The following PTPRM variants were observed in gnomAD, a reference collection of about 807,000 sequenced individuals.
The protein encoded by PTPRM is receptor-type tyrosine-protein phosphatase mu.
In PTPRM, 47 loss-of-function variants were observed where a neutral mutation model predicts 186.7. That is an observed-to-expected ratio of 0.25 (90% CI 0.20 to 0.32). The LOEUF is 0.32. Among genes scored for constraint, PTPRM ranks in the 10% least tolerant of loss-of-function variants. The pLI is 1.00. For missense variants in PTPRM, 1,494 were observed against 1,865.0 expected, an observed-to-expected ratio of 0.80 and a Z score of 3.66; for synonymous variants, 668 against 674.9, an observed-to-expected ratio of 0.99 and a Z score of 0.16.
At chr18:7,621,460 T>G (rs1300112729) in intron 1 of PTPRM, among the ~76,000 whole-genome samples, 4 of 152,002 alleles carry the variant, frequency 2.6e-5, no homozygotes, top group African/African-American at 7.3e-5. Context: ...GAACCCACAT[T>G]GACATGCCGT....
chr18:7,594,876 A>G (rs920704696), intron 1 of PTPRM, among the ~76,000 whole-genome samples: 2 of 152,222 alleles, frequency 1.3e-5, no homozygotes, highest in South Asian at 4.1e-4. Context: ...TTAGAAACAA[A>G]TCAGCCTACC....
intron 17 of PTPRM, among the ~76,000 whole-genome samples, chr18:8,248,863 G>A (rs147182369): frequency 2.6e-5 from 4 of 152,316 alleles, no homozygotes; most frequent in African/African-American, 7.2e-5. Context: ...GTGTTAGCCC[G>A]GTGGGGCAGA....
At chr18:8,084,924 T>C (rs1381739126) in intron 9 of PTPRM, among the ~76,000 whole-genome samples, 3 of 152,172 alleles carry the variant, frequency 2.0e-5, no homozygotes, top group African/African-American at 7.2e-5. Flanking sequence ...ATCTGTTATG[T>C]AGCTAGTATC....
At chr18:8,105,452 G>A (rs1264471187) in intron 11 of PTPRM, among the ~76,000 whole-genome samples, 2 of 152,298 alleles carry the variant, frequency 1.3e-5, no homozygotes, top group African/African-American at 4.8e-5. Context: ...TTGAAAAGAA[G>A]CTTTAAAAAT....
chr18:7,650,172 G>C lies in PTPRM; in HGVS notation c.73+82281G>C, dbSNP rs114630652. On this transcript the variant is annotated intron_variant, in intron 1 of 32. Coordinates refer to ENST00000580170, the MANE Select transcript of PTPRM (RefSeq NM_001105244.2). ...TTTTTGTATTAATGGGTTCTGCAGGGTGTACTACAGGACTTCGGCATTCGT... is the reference window on the plus strand; with the variant it reads ...TTTTTGTATTAATGGGTTCTGCAGGCTGTACTACAGGACTTCGGCATTCGT... Among the ~76,000 whole-genome samples the C allele has an allele frequency of 4.0e-3, 614 of 152,218 alleles. 5 individuals carry two copies. The highest frequency in any genetic ancestry group is 0.014 in the African/African-American group (581 of 41,536).
At chr18:8,108,610 A>T (rs2145643063) in intron 11 of PTPRM, among the ~76,000 whole-genome samples, 1 of 152,352 alleles carries the variant, frequency 6.6e-6, no homozygotes, top group South Asian at 2.1e-4. Flanking sequence ...AGTCTAAAAA[A>T]GTAGATGAAA....
At chr18:8,396,506 C>A (rs193150034) in intron 32 of PTPRM, among the ~76,000 whole-genome samples, 383 of 152,282 alleles carry the variant, frequency 2.5e-3, no homozygotes, top group African/African-American at 9.0e-3. Context: ...AGTGATGGGG[C>A]TTTTTCCAAA....
chr18:7,985,900 G>GAC lies in PTPRM; in HGVS notation c.1132+30487_1132+30488dup, dbSNP rs200904028. 2.4e-4 allele frequency among the ~76,000 whole-genome samples: 36 copies of GAC among 152,124 alleles called. No individual in the cohort carries two copies. In the East Asian group the frequency reaches 6.6e-3, roughly 28 times the overall value. ...TTAAGTAGTGTCCAGGGGATAGGTG[G>GAC]ACTCTAGAATAGTTGTAGAGTTTGA... is the stretch of plus-strand genomic sequence containing the variant. On this transcript the variant is annotated intron_variant, in intron 7 of 32. Transcript: ENST00000580170.
rs575316202 is a variant in PTPRM, at chr18:7,959,394, C to G, written c.1132+3980C>G. On this transcript the variant is annotated intron_variant, in intron 7 of 32. Transcript: ENST00000580170. ...TAAATCTGTTTATTTTGGCCAAGCTCTGTGTTTTCGTTTCTGTGCTGCATC... is the reference window on the plus strand; with the variant it reads ...TAAATCTGTTTATTTTGGCCAAGCTGTGTGTTTTCGTTTCTGTGCTGCATC... Among the ~76,000 whole-genome samples the G allele has an allele frequency of 6.6e-5, 10 of 152,270 alleles. No individual in the cohort carries two copies. The East Asian group carries it at 1.9e-3, about 29-fold the overall frequency.
chr18:7,935,774 C>T (rs1033304512), intron 5 of PTPRM, among the ~76,000 whole-genome samples: 5 of 152,082 alleles, frequency 3.3e-5, no homozygotes, highest in African/African-American at 1.2e-4. Context: ...ACCCAGGTGG[C>T]GAACATAATA....
chr18:8,294,663 A>G (rs899389845), intron 19 of PTPRM, among the ~76,000 whole-genome samples: 1 of 152,218 alleles, frequency 6.6e-6, no homozygotes, highest in Non-Finnish European at 1.5e-5. Context: ...CTGTTCATAT[A>G]TAGCACATCT....
intron 14 of PTPRM, among the ~76,000 whole-genome samples, chr18:8,164,705 A>G (rs2093291588): frequency 2.0e-5 from 3 of 152,182 alleles, no homozygotes; most frequent in Admixed American, 1.3e-4. Context: ...GAAGAAGGCA[A>G]TGAGGAATTG....
chr18:8,001,836 G>A (rs2083892447), intron 7 of PTPRM, among the ~76,000 whole-genome samples: 1 of 152,196 alleles, frequency 6.6e-6, no homozygotes, highest in Admixed American at 6.5e-5. Context: ...AAGGCAGTAA[G>A]AATGGTCTTA....
intron 14 of PTPRM, among the ~76,000 whole-genome samples, chr18:8,216,998 G>T (rs560442617): frequency 6.6e-6 from 1 of 152,174 alleles, no homozygotes. Flanking sequence ...AAATAGCTTC[G>T]CGTAGAGTAA....
chr18:8,376,489 C>T lies in PTPRM; in HGVS notation c.3354C>T (p.Phe1118=). 6.2e-7 allele frequency: 1 copy of T among 1,614,152 alleles called. No individual in the cohort carries two copies. Among genetic ancestry groups the T allele is most frequent in the Middle Eastern group, 1.7e-4 (1 of 6,058 alleles). The change falls in exon 26 of 33, where the codon TTC becomes TTT. Residue 1118 remains phenylalanine, a synonymous_variant. Coordinates refer to ENST00000580170, the MANE Select transcript of PTPRM (RefSeq NM_001105244.2). ...CSAGAGRTGC[F]IVIDIMLDMA... is the part of the protein sequence containing the mutation. ...CTGGTGCAGGGAGGACTGGCTGTTT[C>T]ATCGTCATTGATATCATGTTGGACA...
In PTPRM at chr18:7,632,731, G is replaced by A. The variant is rs137967699; in HGVS notation, c.73+64840G>A. ...GGCAAATTATCTGGATTTAGGGATG[G>A]TATTTGGGATGAAATAATGGAGAGT... On this transcript the variant is annotated intron_variant, in intron 1 of 32. Transcript: ENST00000580170. Among the ~76,000 whole-genome samples the A allele has an allele frequency of 4.3e-3, 659 of 152,320 alleles. 3 individuals carry two copies. Among genetic ancestry groups the A allele is most frequent in the African/African-American group, 0.014 (600 of 41,570 alleles).
chr18:7,974,772 A>C (rs567345828), intron 7 of PTPRM, among the ~76,000 whole-genome samples: 32 of 152,218 alleles, frequency 2.1e-4, no homozygotes, highest in Non-Finnish European at 3.7e-4. Flanking sequence ...CCCCAGTCAT[A>C]GAATGTAACT....
intron 19 of PTPRM, among the ~76,000 whole-genome samples, chr18:8,266,363 C>A (rs201879140): frequency 3.3e-3 from 433 of 130,620 alleles, no homozygotes; most frequent in Non-Finnish European, 3.6e-3. Flanking sequence ...TGCTACCACT[C>A]AAAAAAAAAA....
intron 7 of PTPRM, among the ~76,000 whole-genome samples, chr18:8,008,157 G>A (rs1243311156): frequency 1.3e-5 from 2 of 152,190 alleles, no homozygotes; most frequent in African/African-American, 2.4e-5. Context: ...GTTAGTGCCT[G>A]TGTAATCAGA....
Sources: allele counts gnomAD v4.1 joint callset (sites outside exome capture counted in the v4.1 genomes callset), GRCh38; gene constraint gnomAD v4.1.1; transcripts MANE v1.5; gene names NCBI Gene and HGNC (gene_info 2026-07-23, HGNC 2026-07-21).